CANT1: variants seen among roughly 807,000 people sequenced by gnomAD.
CANT1 encodes soluble calcium-activated nucleotidase 1.
CANT1 carries 26 observed loss-of-function variants against 30.0 expected under a neutral mutation model. The observed-to-expected ratio is 0.87, with a 90% CI of 0.64 to 1.20. The LOEUF (loss-of-function observed/expected upper bound fraction) is 1.20, where lower values mean the gene tolerates loss of function less well. Ranked by LOEUF, CANT1 falls within the 50% of genes most tolerant of loss-of-function variation. The probability of loss-of-function intolerance (pLI) is 0.00; values close to 1 mark genes in which losing one functional copy is unlikely to be tolerated. For missense variants in CANT1, 518 were observed against 563.0 expected, an observed-to-expected ratio of 0.92 and a Z score of 0.81; for synonymous variants, 246 against 251.8, an observed-to-expected ratio of 0.98 and a Z score of 0.22.
intron 1 of CANT1, among the ~76,000 whole-genome samples, chr17:79,007,180 C>G (rs1220334436): frequency 6.6e-6 from 1 of 152,246 alleles, no homozygotes; most frequent in Non-Finnish European, 1.5e-5. Context: ...AAACAGACTT[C>G]TCTACTGCCA....
intron 1 of CANT1, among the ~76,000 whole-genome samples, chr17:79,009,145 G>A (rs551404094): frequency 1.3e-5 from 2 of 151,380 alleles, no homozygotes; most frequent in East Asian, 3.9e-4. Flanking sequence ...CTAACCAGAG[G>A]GGGAGGTGCC....
rs763018177 is a variant in CANT1 at position 78,997,081 on chromosome 17, TC to T, written c.541del (p.Asp181MetfsTer19). 6.2e-7 allele frequency: 1 copy of T among 1,614,186 alleles called. No homozygotes were observed. Among genetic ancestry groups the T allele is most frequent in the East Asian group, 2.2e-5 (1 of 44,874 alleles). ...CTGGTAGACGACCCCCGTCCGGTCA[TC>T]CACGGAGTAGAGTTTCCCATTGAAA... is the stretch of plus-strand genomic sequence containing the variant. ...IVFNGKLYSVDDRTGVVYQIE... is the reference protein window; with the variant it reads ...IVFNGKLYSVXDRTGVVYQIE... On this transcript the variant is annotated frameshift_variant, in exon 3 of 5. Transcript: ENST00000392446. LOFTEE classifies it high-confidence loss of function. This position sits in a 1 kb window ranked among gnomAD's most constrained non-coding sequence, Gnocchi z 7.5.
rs980331901 is a variant in CANT1, at chr17:78,996,738, A to C, written c.631+254T>G. Among the ~76,000 whole-genome samples, 1 of 152,060 alleles carries C rather than the reference A, an allele frequency of 6.6e-6. No homozygotes were observed. The highest frequency in any genetic ancestry group is 1.5e-5 in the Non-Finnish European group (1 of 67,996). The stretch of plus-strand genomic sequence containing the variant: ...ATACAGCCGAAAACATCTTGGAGAG[A>C]TTCCCCACGTCTCCCACAGGCCTCT... On this transcript the variant is annotated intron_variant, in intron 3 of 4. Coordinates refer to ENST00000392446, the MANE Select transcript of CANT1 (RefSeq NM_001159773.2). This position sits in a 1 kb window ranked among gnomAD's most constrained non-coding sequence, Gnocchi z 5.1.
chr17:79,003,508 C>T (rs577696823), intron 1 of CANT1, among the ~76,000 whole-genome samples: 16 of 151,972 alleles, frequency 1.1e-4, no homozygotes, highest in Admixed American at 3.9e-4. Context: ...AGAAATGAAC[C>T]GGCGAGGGTA....
Position 79,001,433 on chromosome 17 carries a change from C to T in CANT1, c.-146-3470G>A, listed in dbSNP as rs184523717. On this transcript the variant is annotated intron_variant, in intron 1 of 4. Coordinates refer to ENST00000392446, the MANE Select transcript of CANT1 (RefSeq NM_001159773.2). ...CTTCCATCCACAGGCTGCCCCAAGT[C>T]GCCCACCTTGTCACCATTTTACCTC... Among the ~76,000 whole-genome samples the T allele has an allele frequency of 2.1e-4, 32 of 152,278 alleles. No homozygotes were observed. In the South Asian group the frequency reaches 5.6e-3, roughly 27 times the overall value.
intron 1 of CANT1, among the ~76,000 whole-genome samples, chr17:79,003,515 G>A (rs2071341403): frequency 6.6e-6 from 1 of 151,654 alleles, no homozygotes. Context: ...AACCGGCGAG[G>A]GTAAGACACA....
chr17:78,994,023 AG>A, intron 4 of CANT1, 103 bp from the exon 5 acceptor site: 1 of 1,431,630 alleles, frequency 7.0e-7, no homozygotes, highest in African/African-American at 1.4e-5. Flanking sequence ...TGCGACCACC[AG>A]GGCCCACCAG....
intron 1 of CANT1, among the ~76,000 whole-genome samples, chr17:78,999,436 C>T (rs2071163266): frequency 6.6e-6 from 1 of 152,186 alleles, no homozygotes; most frequent in Non-Finnish European, 1.5e-5. Flanking sequence ...AAGAAGTCTC[C>T]ACTGAGCTCG....
In CANT1 at chr17:78,995,713, C is replaced by G. The variant is rs2071014197; in HGVS notation, c.632-492G>C. On this transcript the variant is annotated intron_variant, in intron 3 of 4. Coordinates refer to ENST00000392446, the MANE Select transcript of CANT1 (RefSeq NM_001159773.2). The surrounding 1 kb of genome is among the most constrained non-coding windows in gnomAD (Gnocchi z 5.7). ...TTTAAACTGATTTATTTAAAATAAGCCTAACTTTGAAGGCTGCCACAGTTC... is the reference window on the plus strand; with the variant it reads ...TTTAAACTGATTTATTTAAAATAAGGCTAACTTTGAAGGCTGCCACAGTTC... 6.6e-6 allele frequency among the ~76,000 whole-genome samples: 1 copy of G among 152,138 alleles called. No homozygotes were observed. The highest frequency in any genetic ancestry group is 2.4e-5 in the African/African-American group (1 of 41,416).
chr17:79,002,412 AC>A lies in CANT1; in HGVS notation c.-146-4450del, dbSNP rs1292575652. On this transcript the variant is annotated intron_variant, in intron 1 of 4. Coordinates refer to ENST00000392446, the MANE Select transcript of CANT1 (RefSeq NM_001159773.2). This position sits in a 1 kb window ranked among gnomAD's most constrained non-coding sequence, Gnocchi z 4.0. ...CTCTCGCCTGCTGGGAGGGTTGCAA[AC>A]TACCACCCGTGGGCCAAATGCAGTC... is the stretch of plus-strand genomic sequence containing the variant. 6.6e-6 allele frequency among the ~76,000 whole-genome samples: 1 copy of A among 152,130 alleles called. No homozygotes were observed. Among genetic ancestry groups the A allele is most frequent in the Non-Finnish European group, 1.5e-5 (1 of 68,016 alleles).
intron 1 of CANT1, among the ~76,000 whole-genome samples, chr17:79,007,855 T>A (rs1227986214): frequency 6.6e-6 from 1 of 152,150 alleles, no homozygotes; most frequent in Non-Finnish European, 1.5e-5. Context: ...ATCAGAAGCG[T>A]CAAGCCTCAG....
rs1285997502 is a variant in CANT1, at chr17:78,998,044, AG to A, written c.-146-82del. ...TGGGATAGGATCATAGACAGGGTAC[AG>A]GTCTGTATTTTACTCAAATGCCACC... On this transcript the variant is annotated intron_variant, in intron 1 of 4. Coordinates refer to ENST00000392446, the MANE Select transcript of CANT1 (RefSeq NM_001159773.2). The surrounding 1 kb of genome is among the most constrained non-coding windows in gnomAD (Gnocchi z 4.5). The A allele has an allele frequency of 4.5e-6, 1 of 220,952 alleles. No individual in the cohort carries two copies. Among genetic ancestry groups the A allele is most frequent in the African/African-American group, 2.3e-5 (1 of 44,220 alleles). 13.7% of individuals were successfully genotyped at this position (220,952 alleles called of 1,614,324 possible).
chr17:79,005,042 G>A (rs189267428), intron 1 of CANT1, among the ~76,000 whole-genome samples: 69 of 12,832 alleles, frequency 5.4e-3, no homozygotes, highest in Non-Finnish European at 7.6e-3. Context: ...GTTAGGGAGA[G>A]GGGAGCTAGG....
rs144472785 is a variant in CANT1, at chr17:79,008,386, G to A, written c.-147+1278C>T. ...GAGATAGCGGATCCTGAAGGGCTGC[G>A]GCACCCGCTTCCTTTTAGGAGCCTT... On this transcript the variant is annotated intron_variant, in intron 1 of 4. Coordinates refer to ENST00000392446, the MANE Select transcript of CANT1 (RefSeq NM_001159773.2). This position sits in a 1 kb window ranked among gnomAD's most constrained non-coding sequence, Gnocchi z 4.4. 1.4e-3 allele frequency among the ~76,000 whole-genome samples: 219 copies of A among 152,322 alleles called. No homozygotes were observed. The highest frequency in any genetic ancestry group is 4.9e-3 in the African/African-American group (205 of 41,552).
Position 78,997,340 on chromosome 17 carries a change from G to A in CANT1, c.283C>T (p.Pro95Ser). The A allele has an allele frequency of 6.2e-7, 1 of 1,614,160 alleles. No individual in the cohort carries two copies. The highest frequency in any genetic ancestry group is 8.5e-7 in the Non-Finnish European group (1 of 1,180,040). Residue 95 changes from proline to serine, a missense_variant, in exon 3 of 5, where the codon CCC (proline) becomes TCC (serine). By Grantham distance (74) the Pro-to-Ser change is moderately conservative. Around this residue, in one of 3 missense-constraint regions of CANT1, gnomAD observed 249 missense variants for 268.8 expected, o/e 0.93. Coordinates refer to ENST00000392446, the MANE Select transcript of CANT1 (RefSeq NM_001159773.2). This position sits in a 1 kb window ranked among gnomAD's most constrained non-coding sequence, Gnocchi z 7.5. ...ATCCCAGCCGGTGTCCTTTGTGGGG[G>A]AGACAGGGGGTAGGTGTCATTGTAC... Reference protein sequence around the residue: ...NWYNDTYPLSPPQRTPAGIRY... With the variant: ...NWYNDTYPLSSPQRTPAGIRY...
chr17:78,993,753 C>A lies in CANT1; in HGVS notation c.1003G>T (p.Val335Phe), dbSNP rs1380784390. Residue 335 changes from valine to phenylalanine, a missense_variant, in exon 5 of 5, where the codon GTC (valine) becomes TTC (phenylalanine). Physicochemically the swap from Val to Phe is conservative, Grantham distance 50. Transcript: ENST00000392446. The surrounding 1 kb of genome is among the most constrained non-coding windows in gnomAD (Gnocchi z 4.5). ...PDFGDIAVSH[V>F]GAVVPTHGFS... ...CCGTGAGTGGGGACCACCGCCCCGA[C>A]GTGGCTCACAGCGATGTCGCCGAAG... 2 of 1,613,598 alleles carry A rather than the reference C, an allele frequency of 1.2e-6. No individual in the cohort carries two copies. Among genetic ancestry groups the A allele is most frequent in the Non-Finnish European group, 1.7e-6 (2 of 1,180,052 alleles).
At position 78,995,433 on chromosome 17, in the gene CANT1, G is replaced by A. The variant is rs1383114589; in HGVS notation, c.632-212C>T. ...CTGAAGGTTCAGTGACCACTCTCAA[G>A]TCTCCTCTGATCCCCAACTCCCCGC... is the stretch of plus-strand genomic sequence containing the variant. On this transcript the variant is annotated intron_variant, in intron 3 of 4. Transcript: ENST00000392446. This position sits in a 1 kb window ranked among gnomAD's most constrained non-coding sequence, Gnocchi z 5.7. Among the ~76,000 whole-genome samples the A allele has an allele frequency of 1.3e-5, 2 of 152,142 alleles. No homozygotes were observed. Among genetic ancestry groups the A allele is most frequent in the Non-Finnish European group, 2.9e-5 (2 of 68,024 alleles).
rs2070989172 is a variant in CANT1 at position 78,995,176 on chromosome 17, A to G, written c.677T>C (p.Val226Ala). Reference sequence around the variant, plus strand: ...CGTCCACTCCTTGCCCAGGCCGCCCACGTACAGACGCTCGTCCTTCACTGC... The same window carrying G: ...CGTCCACTCCTTGCCCAGGCCGCCCGCGTACAGACGCTCGTCCTTCACTGC... ...WLAVKDERLY[V>A]GGLGKEWTTT... The change falls in exon 4 of 5, where the codon GTG becomes GCG. Residue 226 changes from valine to alanine, a missense_variant. Val to Ala is a moderately conservative substitution (Grantham distance 64). Coordinates refer to ENST00000392446, the MANE Select transcript of CANT1 (RefSeq NM_001159773.2). This position sits in a 1 kb window ranked among gnomAD's most constrained non-coding sequence, Gnocchi z 5.7. 6.2e-7 allele frequency: 1 copy of G among 1,613,836 alleles called. No individual in the cohort carries two copies. The highest frequency in any genetic ancestry group is 1.3e-5 in the African/African-American group (1 of 74,914).
Position 78,994,894 on chromosome 17 carries a change from G to A in CANT1, c.835+124C>T, listed in dbSNP as rs182077419. 3.1e-4 allele frequency: 323 copies of A among 1,028,004 alleles called. 1 individual carries two copies. The Admixed American group carries it at 3.9e-3, about 13-fold the overall frequency. The allele number at this position is 1,028,004 out of a possible 1,614,324, so 63.7% of individuals were successfully genotyped here. A position where few individuals can be genotyped will look rare whatever the true frequency, so the allele number is the denominator to read the frequency against. ...GAGATCGTGCCACTGCACTCTAACC[G>A]GGGTGACAGAGCAAGACTATGTCTA... On this transcript the variant is annotated intron_variant, in intron 4 of 4. Transcript: ENST00000392446.
Sources: allele counts gnomAD v4.1 joint callset (sites outside exome capture counted in the v4.1 genomes callset), GRCh38; gene constraint gnomAD v4.1.1; regional missense constraint gnomAD v4.1.1; non-coding constraint Gnocchi (gnomAD v3.1); transcripts MANE v1.5; gene names NCBI Gene and HGNC (gene_info 2026-07-23, HGNC 2026-07-21).